Variants in TTLL1 observed in about 807,000 individuals in gnomAD.
TTLL1 encodes polyglutamylase complex subunit TTLL1.
Under a neutral mutation model 47.8 loss-of-function variants are expected in TTLL1, and 33 were observed. That is an observed-to-expected ratio of 0.69 (90% confidence interval 0.52 to 0.92). TTLL1 has a LOEUF of 0.92. Ranked by LOEUF, TTLL1 falls within the 40% of genes least tolerant of loss-of-function variation. The pLI is 0.00. For synonymous variants in TTLL1, 225 were observed against 214.1 expected, an observed-to-expected ratio of 1.05 and a Z score of -0.45; for missense variants, 488 against 547.5, an observed-to-expected ratio of 0.89 and a Z score of 1.08.
chr22:43,042,938 CTTTTTTTTTTTTTTT>C (rs59595664), intron 10 of TTLL1, among the ~76,000 whole-genome samples: 1 of 129,744 alleles, frequency 7.7e-6, no homozygotes, highest in Non-Finnish European at 1.6e-5. Flanking sequence ...GCTGCTTTTT[CTTTTTTTTTTTTTTT>C]TTTTGAGGCA....
At chr22:43,054,444 G>C (rs1297293222) in intron 8 of TTLL1, among the ~76,000 whole-genome samples, 1 of 144,910 alleles carries the variant, frequency 6.9e-6, no homozygotes, top group East Asian at 2.0e-4. Context: ...TTTTTTTTGA[G>C]ATGGAGTTTT....
At chr22:43,075,646 A>C (rs1928439864) in intron 2 of TTLL1, 56 bp from the exon 3 acceptor site, 2 of 1,483,916 alleles carry the variant, frequency 1.3e-6, no homozygotes, top group Non-Finnish European at 1.9e-6. Flanking sequence ...CTTCCCTTTA[A>C]ACCCAAGGAA....
chr22:43,054,200 C>A (rs1037000238), intron 8 of TTLL1, among the ~76,000 whole-genome samples: 1 of 152,168 alleles, frequency 6.6e-6, no homozygotes, highest in African/African-American at 2.4e-5. Flanking sequence ...AAGCTGCAAC[C>A]CAAGCCACCA....
chr22:43,087,070 T>G (rs1929271255), intron 1 of TTLL1, among the ~76,000 whole-genome samples: 1 of 152,206 alleles, frequency 6.6e-6, no homozygotes, highest in Non-Finnish European at 1.5e-5. Context: ...GTCTTAAGCC[T>G]TTGCTCGTCC....
In TTLL1 at chr22:43,039,918, A is replaced by G. The variant is rs756074895; in HGVS notation, c.1143-13T>C. 4 of 1,612,072 alleles carry G rather than the reference A, an allele frequency of 2.5e-6. No homozygotes were observed. The highest frequency in any genetic ancestry group is 3.4e-6 in the Non-Finnish European group (4 of 1,179,082). On this transcript the variant is annotated splice_polypyrimidine_tract_variant and intron_variant, in intron 10 of 10. Transcript: ENST00000266254. ...TTCTTCATCATACCTGGAGACAGAA[A>G]CAGCCAGGATCACGGCAGGCTCTCT... is the stretch of plus-strand genomic sequence containing the variant.
At chr22:43,045,663 T>A (rs1450822895) in intron 10 of TTLL1, among the ~76,000 whole-genome samples, 3 of 151,584 alleles carry the variant, frequency 2.0e-5, no homozygotes, top group Non-Finnish European at 4.4e-5. Flanking sequence ...TTGCACTGAG[T>A]TCCTCCCTGT....
chr22:43,047,939 T>C (rs987817337), intron 9 of TTLL1, among the ~76,000 whole-genome samples: 1 of 152,160 alleles, frequency 6.6e-6, no homozygotes, highest in Non-Finnish European at 1.5e-5. Flanking sequence ...TGCCAAAGAA[T>C]TGCACACATC....
At position 43,046,478 on chromosome 22, in the gene TTLL1, AT is replaced by A; in HGVS notation, c.1073del (p.Asn358MetfsTer39). 6.2e-7 allele frequency: 1 copy of A among 1,614,070 alleles called. No individual in the cohort carries two copies. Among genetic ancestry groups the A allele is most frequent in the Non-Finnish European group, 8.5e-7 (1 of 1,180,014 alleles). On this transcript the variant is annotated frameshift_variant, in exon 10 of 11. Transcript: ENST00000266254. LOFTEE classifies it high-confidence loss of function. Reference sequence around the variant, plus strand: ...TCCATTTGCAGTCTGGGATTTCACCATTCGGGACGGCGATGTTGAGGGTGTC... The same window carrying A: ...TCCATTTGCAGTCTGGGATTTCACCATCGGGACGGCGATGTTGAGGGTGTC... Reference protein sequence around the residue: ...INDTLNIAVPNGEIPDCKWNK... With the variant: ...INDTLNIAVPXGEIPDCKWNK...
In TTLL1 at chr22:43,046,418, G is replaced by C; in HGVS notation, c.1134C>G (p.Tyr378Ter). 6.2e-7 allele frequency: 1 copy of C among 1,614,002 alleles called. No homozygotes were observed. The highest frequency in any genetic ancestry group is 8.5e-7 in the Non-Finnish European group (1 of 1,179,986). Reference sequence around the variant, plus strand: ...GTCACACACACACTTACAGAATCTCGTAATTGCCGAGGACTTCCTTAGGTG... The same window carrying C: ...GTCACACACACACTTACAGAATCTCCTAATTGCCGAGGACTTCCTTAGGTG... Reference protein sequence around the residue: ...KSPPKEVLGNYEILYDEELAQ... With the variant: ...KSPPKEVLGN Residue 378 changes from tyrosine (Y) to a stop codon, truncating the protein, a stop_gained, in exon 10 of 11, where the codon TAC (tyrosine) becomes TAG (stop). Transcript: ENST00000266254. LOFTEE classifies it low-confidence loss of function (END_TRUNC).
intron 9 of TTLL1, among the ~76,000 whole-genome samples, chr22:43,051,483 C>A (rs572180018): frequency 6.6e-6 from 1 of 152,242 alleles, no homozygotes; most frequent in African/African-American, 2.4e-5. Flanking sequence ...CCCATGAGGA[C>A]AGGGGAGGGC....
chr22:43,056,859 C>T (rs1372942880), intron 8 of TTLL1, among the ~76,000 whole-genome samples: 2 of 152,118 alleles, frequency 1.3e-5, no homozygotes, highest in African/African-American at 2.4e-5. Flanking sequence ...TTGGCGTGAT[C>T]GTGGCTCACT....
rs1373928139 is a variant in TTLL1 at position 43,045,276 on chromosome 22, A to G, written c.1142+1134T>C. On this transcript the variant is annotated intron_variant, in intron 10 of 10. Coordinates refer to ENST00000266254, the MANE Select transcript of TTLL1 (RefSeq NM_012263.5). ...TGTTCCCACTTTCGTCACTACGAGT[A>G]TGCCACGGAACCGCTCTAAGCCTTT... Among the ~76,000 whole-genome samples, 19 of 152,186 alleles carry G rather than the reference A, an allele frequency of 1.2e-4. 1 individual carries two copies. Among genetic ancestry groups the G allele is most frequent in the Admixed American group, 1.2e-3 (19 of 15,276 alleles).
intron 1 of TTLL1, among the ~76,000 whole-genome samples, chr22:43,081,213 G>A (rs191153936): frequency 6.6e-6 from 1 of 152,146 alleles, no homozygotes; most frequent in Non-Finnish European, 1.5e-5. Context: ...ACCGCGCCCG[G>A]CTGCACAGAA....
At chr22:43,039,951 G>T (rs1290473363) in intron 10 of TTLL1, 46 bp from the exon 11 acceptor site, 2 of 1,593,396 alleles carry the variant, frequency 1.3e-6, no homozygotes, top group East Asian at 2.3e-5. Flanking sequence ...TCTTTCAAAG[G>T]CAACAGGCAG....
At position 43,050,421 on chromosome 22, in the gene TTLL1, CA is replaced by C. The variant is rs201095847; in HGVS notation, c.978+1379del. Among the ~76,000 whole-genome samples the C allele has an allele frequency of 2.1e-3, 269 of 125,968 alleles. 1 individual carries two copies. Among genetic ancestry groups the C allele is most frequent in the Admixed American group, 7.9e-3 (100 of 12,644 alleles). 82.6% of individuals were successfully genotyped at this position (125,968 alleles called of 152,430 possible). A position where few individuals can be genotyped will look rare whatever the true frequency, so the allele number is the denominator to read the frequency against. On this transcript the variant is annotated intron_variant, in intron 9 of 10. Transcript: ENST00000266254. The stretch of plus-strand genomic sequence containing the variant: ...ACAGAGCAAGACTCTGTCTCAAAAA[CA>C]AAAAAAAAAAGAAAAGAAAAGTAAT...
At chr22:43,068,366 G>C in intron 5 of TTLL1, 44 bp downstream of exon 5, 2 of 1,421,598 alleles carry the variant, frequency 1.4e-6, no homozygotes, top group African/African-American at 2.9e-5. Flanking sequence ...ATAAAACGGT[G>C]AACTGGGACC....
At chr22:43,062,124 T>A (rs964788600) in intron 7 of TTLL1, among the ~76,000 whole-genome samples, 1 of 152,144 alleles carries the variant, frequency 6.6e-6, no homozygotes, top group Non-Finnish European at 1.5e-5. Context: ...ACATAGGTAC[T>A]CAATGGGTAC....
rs923859901 is a variant in TTLL1 at position 43,068,118 on chromosome 22, A to C, written c.503+292T>G. The stretch of plus-strand genomic sequence containing the variant: ...CATGAGCCACCATGCCCAGCCGCAA[A>C]ACCCCATCTCTATTTAAAAAAAAAA... On this transcript the variant is annotated intron_variant, in intron 5 of 10. Transcript: ENST00000266254. Among the ~76,000 whole-genome samples, 4 of 146,094 alleles carry C rather than the reference A, an allele frequency of 2.7e-5. No homozygotes were observed. In the East Asian group the frequency reaches 6.7e-4, roughly 25 times the overall value.
chr22:43,048,372 C>T (rs1926320109), intron 9 of TTLL1, among the ~76,000 whole-genome samples: 2 of 151,032 alleles, frequency 1.3e-5, no homozygotes, highest in South Asian at 2.1e-4. Flanking sequence ...CAGTGGCTCA[C>T]ACCTATAACT....
Sources: allele counts gnomAD v4.1 joint callset (sites outside exome capture counted in the v4.1 genomes callset), GRCh38; gene constraint gnomAD v4.1.1; transcripts MANE v1.5; gene names NCBI Gene and HGNC (gene_info 2026-07-23, HGNC 2026-07-21).